The following GNA14 variants were observed in gnomAD, a reference collection of about 807,000 sequenced individuals.
The protein encoded by GNA14 is G protein subunit alpha 14, also known as guanine nucleotide-binding protein subunit alpha-14.
GNA14 carries 50 observed loss-of-function variants against 42.0 expected under a neutral mutation model. The observed-to-expected ratio is 1.19, with a 90% confidence interval of 0.95 to 1.51. The LOEUF (loss-of-function observed/expected upper bound fraction) is 1.51. Ranked by LOEUF, GNA14 falls within the 40% of genes most tolerant of loss-of-function variation. The pLI, the probability that GNA14 is intolerant of heterozygous loss-of-function variation, is 0.00. For missense variants in GNA14, 473 were observed against 446.2 expected (o/e 1.06, Z -0.54); for synonymous variants, 173 against 163.1 (o/e 1.06, Z -0.46).
At chr9:77,464,576 A>C (rs772200835) in intron 2 of GNA14, among the ~76,000 whole-genome samples, 1 of 152,042 alleles carries the variant, frequency 6.6e-6, no homozygotes, top group African/African-American at 2.4e-5. Context: ...TTCCCATACC[A>C]CACAATTCAT....
intron 2 of GNA14, among the ~76,000 whole-genome samples, chr9:77,439,826 A>C (rs940625178): frequency 6.6e-6 from 1 of 152,148 alleles, no homozygotes; most frequent in Non-Finnish European, 1.5e-5. Flanking sequence ...GGCTTGCTTC[A>C]TCTCAGGGAA....
intron 2 of GNA14, among the ~76,000 whole-genome samples, chr9:77,466,145 C>T (rs945091083): frequency 6.6e-5 from 10 of 152,070 alleles, no homozygotes; most frequent in Non-Finnish European, 1.0e-4. Flanking sequence ...TTGGATGCTT[C>T]GATTAGTGTT....
chr9:77,503,496 A>G (rs961471491), intron 2 of GNA14, among the ~76,000 whole-genome samples: 1 of 152,204 alleles, frequency 6.6e-6, no homozygotes, highest in Non-Finnish European at 1.5e-5. Flanking sequence ...ATGACTTCAG[A>G]AACTACGTGA....
chr9:77,630,842 C>A (rs777183952), intron 1 of GNA14, among the ~76,000 whole-genome samples: 2 of 152,090 alleles, frequency 1.3e-5, no homozygotes, highest in African/African-American at 4.8e-5. Flanking sequence ...CAGTTGTATC[C>A]CCTTACAGTA....
At chr9:77,498,725 C>G (rs767832605) in intron 2 of GNA14, among the ~76,000 whole-genome samples, 3 of 152,208 alleles carry the variant, frequency 2.0e-5, no homozygotes, top group Non-Finnish European at 2.9e-5. Flanking sequence ...GATCTCCCCC[C>G]GCTGAGGATG....
intron 1 of GNA14, among the ~76,000 whole-genome samples, chr9:77,622,098 C>T (rs7867075): frequency 0.043 from 6,596 of 152,186 alleles, 499 homozygotes; most frequent in African/African-American, 0.15. Context: ...GCCTAATTTA[C>T]TCTTAAATAG....
intron 2 of GNA14, among the ~76,000 whole-genome samples, chr9:77,485,335 C>G: frequency 6.6e-6 from 1 of 152,148 alleles, no homozygotes; most frequent in South Asian, 2.1e-4. Context: ...GAGATTGCAG[C>G]AATTCAGTTA....
chr9:77,469,812 G>A (rs1454781456), intron 2 of GNA14, among the ~76,000 whole-genome samples: 1 of 152,124 alleles, frequency 6.6e-6, no homozygotes, highest in Non-Finnish European at 1.5e-5. Flanking sequence ...CAGCATTCCT[G>A]GGTTTTGTTT....
intron 1 of GNA14, among the ~76,000 whole-genome samples, chr9:77,581,592 G>C (rs1049242161): frequency 1.3e-5 from 2 of 152,160 alleles, no homozygotes; most frequent in African/African-American, 4.8e-5. Context: ...ACTTTCAAGG[G>C]AATTTTGGTG....
intron 1 of GNA14, 54 bp from the exon 2 acceptor site, chr9:77,529,307 C>T: frequency 1.0e-5 from 14 of 1,381,878 alleles, no homozygotes; most frequent in East Asian, 6.9e-5. Flanking sequence ...AAGGAACACA[C>T]GAAGAAACAG....
chr9:77,632,812 C>A (rs1156326455), intron 1 of GNA14, among the ~76,000 whole-genome samples: 2 of 152,202 alleles, frequency 1.3e-5, no homozygotes, highest in Non-Finnish European at 2.9e-5. Flanking sequence ...GGACCCCATG[C>A]TCGCTCACAC....
intron 2 of GNA14, among the ~76,000 whole-genome samples, chr9:77,511,570 C>G (rs149949016): frequency 0.011 from 1,631 of 152,274 alleles, 32 homozygotes; most frequent in African/African-American, 0.037. Flanking sequence ...ATGAGCAAAT[C>G]TGGGAGTCTG....
chr9:77,459,335 A>T (rs1051968136), intron 2 of GNA14, among the ~76,000 whole-genome samples: 23 of 152,302 alleles, frequency 1.5e-4, no homozygotes, highest in Admixed American at 1.1e-3. Context: ...GGATTGTCTT[A>T]CTGTAAGATT....
chr9:77,486,744 T>G (rs1355128304), intron 2 of GNA14, among the ~76,000 whole-genome samples: 1 of 152,200 alleles, frequency 6.6e-6, no homozygotes, highest in Non-Finnish European at 1.5e-5. Context: ...AGATGAGGAT[T>G]GGCCAGTGGA....
At chr9:77,515,960 C>CAAAAAAAAA (rs1158448237) in intron 2 of GNA14, among the ~76,000 whole-genome samples, 1,120 of 52,698 alleles carry the variant, frequency 0.021, 132 homozygotes, top group East Asian at 0.079. Context: ...CCCTGTCTCA[C>CAAAAAAAAA]AAAAAAAAAA....
chr9:77,594,092 G>A (rs1013437350), intron 1 of GNA14, among the ~76,000 whole-genome samples: 2 of 152,198 alleles, frequency 1.3e-5, no homozygotes, highest in Non-Finnish European at 2.9e-5. Flanking sequence ...ATATGGCTGG[G>A]CAGGGAGGGG....
chr9:77,520,856 C>A (rs1007018265), intron 2 of GNA14, among the ~76,000 whole-genome samples: 1 of 152,178 alleles, frequency 6.6e-6, no homozygotes, highest in African/African-American at 2.4e-5. Flanking sequence ...TTTGTAGGTG[C>A]ATACTCAGTT....
chr9:77,637,200 T>C (rs1011048619), intron 1 of GNA14, among the ~76,000 whole-genome samples: 2 of 152,208 alleles, frequency 1.3e-5, no homozygotes, highest in Non-Finnish European at 2.9e-5. Flanking sequence ...ACTAATCAGA[T>C]TTCTGCTGGC....
chr9:77,572,732 A>C (rs769752286), intron 1 of GNA14, among the ~76,000 whole-genome samples: 14 of 152,226 alleles, frequency 9.2e-5, no homozygotes, highest in Admixed American at 2.6e-4. Flanking sequence ...TGCCTTGAAA[A>C]TCTTGCAAAA....
Sources: gnomAD v4.1 joint callset for allele counts (sites outside exome capture counted in the v4.1 genomes callset) on GRCh38, gnomAD v4.1.1 for gene constraint, MANE v1.5 for transcripts, NCBI Gene and HGNC (gene_info 2026-07-23, HGNC 2026-07-21) for gene names.